Variants in GLO1 observed in about 807,000 individuals in gnomAD.
GLO1 encodes lactoylglutathione lyase.
A neutral mutation model predicts 26.0 loss-of-function variants in GLO1; 28 were observed. The observed-to-expected ratio is 1.08, with a 90% CI of 0.80 to 1.48. The LOEUF is 1.48. Among genes scored for constraint, GLO1 ranks in the 40% most tolerant of loss-of-function variants. The probability of loss-of-function intolerance (pLI) is 0.00; values close to 1 mark genes in which losing one functional copy is unlikely to be tolerated. For missense variants in GLO1, 225 were observed against 224.8 expected (o/e 1.00, Z -0.01); for synonymous variants, 78 against 77.6 (o/e 1.00, Z -0.03).
At chr6:38,677,471 C>A in intron 5 of GLO1, 88 bp from the exon 6 acceptor site, 2 of 703,264 alleles carry the variant, frequency 2.8e-6, no homozygotes, top group South Asian at 3.2e-5. Context: ...AGGTCTTGCT[C>A]TGAATGTCAG....
At position 38,691,597 on chromosome 6, in the gene GLO1, G is replaced by A. The variant is rs182849578; in HGVS notation, c.85-4623C>T. 6.0e-3 allele frequency among the ~76,000 whole-genome samples: 914 copies of A among 152,136 alleles called. 9 individuals carry two copies. Among genetic ancestry groups the A allele is most frequent in the Non-Finnish European group, 9.7e-3 (661 of 68,012 alleles). On this transcript the variant is annotated intron_variant, in intron 1 of 5. Transcript: ENST00000373365. The stretch of plus-strand genomic sequence containing the variant: ...GCTGGGATTACAGGTGTGAGCCACC[G>A]CAACCGCCAAGAAAACTTTAAAGGT...
chr6:38,686,609 A>T (rs1247748734), intron 2 of GLO1, among the ~76,000 whole-genome samples: 1 of 152,204 alleles, frequency 6.6e-6, no homozygotes, highest in Non-Finnish European at 1.5e-5. Flanking sequence ...AGAACATCAA[A>T]AGGGGTCTGA....
chr6:38,690,724 G>A (rs1234044277), intron 1 of GLO1, among the ~76,000 whole-genome samples: 1 of 143,926 alleles, frequency 6.9e-6, no homozygotes, highest in Non-Finnish European at 1.5e-5. Context: ...AAGTCTATAC[G>A]TGGCAAAAAA....
chr6:38,684,258 G>T (rs952170204), intron 3 of GLO1, 116 bp downstream of exon 3: 7 of 392,536 alleles, frequency 1.8e-5, no homozygotes, highest in African/African-American at 1.0e-4. Context: ...TTAAAAATGT[G>T]AAGTCATAGG....
At chr6:38,695,653 A>T (rs1761600279) in intron 1 of GLO1, among the ~76,000 whole-genome samples, 1 of 152,094 alleles carries the variant, frequency 6.6e-6, no homozygotes, top group South Asian at 2.1e-4. Context: ...AAGGCTGGGC[A>T]GCTCATTACA....
intron 5 of GLO1, among the ~76,000 whole-genome samples, chr6:38,678,942 G>T (rs1040664802): frequency 5.3e-5 from 8 of 152,198 alleles, no homozygotes; most frequent in Non-Finnish European, 1.2e-4. Context: ...GTTAAGGACA[G>T]GGATCTGGCC....
chr6:38,682,781 A>T, intron 4 of GLO1, 27 bp downstream of exon 4: 1 of 1,281,536 alleles, frequency 7.8e-7, no homozygotes, highest in Non-Finnish European at 1.1e-6. Context: ...AAATCTACAT[A>T]TATCACATAA....
intron 1 of GLO1, among the ~76,000 whole-genome samples, chr6:38,694,176 A>G (rs1383022516): frequency 6.6e-6 from 1 of 152,060 alleles, no homozygotes; most frequent in Non-Finnish European, 1.5e-5. Context: ...ACATCATTCC[A>G]TTCTTTTAAA....
chr6:38,692,984 G>A (rs1040070677), intron 1 of GLO1, among the ~76,000 whole-genome samples: 6 of 151,846 alleles, frequency 4.0e-5, no homozygotes, highest in Admixed American at 1.3e-4. Context: ...ATATTGGTCT[G>A]TAGTTTTCTT....
chr6:38,683,174 T>A lies in GLO1; in HGVS notation c.309-299A>T, dbSNP rs1761408548. On this transcript the variant is annotated intron_variant, in intron 3 of 5. Transcript: ENST00000373365. Reference sequence around the variant, plus strand: ...CATTTAAACCCTTAAAACAGCTCCATGGGCTAGGTGTGAACATCTCCATTC... The same window carrying A: ...CATTTAAACCCTTAAAACAGCTCCAAGGGCTAGGTGTGAACATCTCCATTC... The A allele has an allele frequency of 1.2e-5, 3 of 260,104 alleles. No individual in the cohort carries two copies. In the Admixed American group the frequency reaches 1.5e-4, roughly 13 times the overall value. 16.1% of individuals were successfully genotyped at this position (260,104 alleles called of 1,614,324 possible). A position where few individuals can be genotyped will look rare whatever the true frequency, so the allele number is the denominator to read the frequency against.
chr6:38,703,087 CA>C lies in GLO1; in HGVS notation c.-34del. 1 of 1,292,898 alleles carries C rather than the reference CA, an allele frequency of 7.7e-7. No homozygotes were observed. The highest frequency in any genetic ancestry group is 1.1e-6 in the Non-Finnish European group (1 of 902,354). The allele number at this position is 1,292,898 out of a possible 1,614,324, so 80.1% of individuals were successfully genotyped here. ...CTGCAGTATCACAGACGACGGGACCCAAGGAACGGAGGAGTCACCCACACTA... is the reference window on the plus strand; with the variant it reads ...CTGCAGTATCACAGACGACGGGACCCAGGAACGGAGGAGTCACCCACACTA... On this transcript the variant is annotated 5_prime_UTR_variant, in exon 1 of 6. Transcript: ENST00000373365.
At chr6:38,679,230 CCA>C (rs1761327978) in intron 5 of GLO1, among the ~76,000 whole-genome samples, 1 of 152,186 alleles carries the variant, frequency 6.6e-6, no homozygotes, top group Admixed American at 6.5e-5. Flanking sequence ...AGCAATCCTC[CCA>C]CCTCAGCCTC....
At chr6:38,691,057 T>C (rs1163206920) in intron 1 of GLO1, among the ~76,000 whole-genome samples, 1 of 152,198 alleles carries the variant, frequency 6.6e-6, no homozygotes, top group African/African-American at 2.4e-5. Context: ...GTAAGACTTA[T>C]GCTATGCTCA....
chr6:38,678,570 G>A (rs573653364), intron 5 of GLO1, among the ~76,000 whole-genome samples: 1 of 152,308 alleles, frequency 6.6e-6, no homozygotes, highest in Non-Finnish European at 1.5e-5. Flanking sequence ...TAATGGCTGC[G>A]AGAGAACAGA....
At chr6:38,683,357 C>T (rs1417552120) in intron 3 of GLO1, 1 of 152,562 alleles carries the variant, frequency 6.6e-6, no homozygotes, top group Non-Finnish European at 1.5e-5. Context: ...AAGAAATTGC[C>T]TACATTTTTA....
intron 1 of GLO1, among the ~76,000 whole-genome samples, chr6:38,691,784 G>A (rs1485765775): frequency 1.3e-5 from 2 of 151,848 alleles, no homozygotes; most frequent in Non-Finnish European, 2.9e-5. Context: ...ATTGAGTAGA[G>A]CTTCATTTTT....
At position 38,688,917 on chromosome 6, in the gene GLO1, A is replaced by T. The variant is rs1761493990; in HGVS notation, c.85-1943T>A. Among the ~76,000 whole-genome samples the T allele has an allele frequency of 2.0e-5, 3 of 152,152 alleles. No homozygotes were observed. In the South Asian group the frequency reaches 6.2e-4, roughly 32 times the overall value. On this transcript the variant is annotated intron_variant, in intron 1 of 5. Transcript: ENST00000373365. ...AATCACACAAGACCTTAAAAGCAGGAGAGAGAGAGAGCGAGCGTGCGCGCG... is the reference window on the plus strand; with the variant it reads ...AATCACACAAGACCTTAAAAGCAGGTGAGAGAGAGAGCGAGCGTGCGCGCG...
intron 3 of GLO1, among the ~76,000 whole-genome samples, chr6:38,683,407 T>TC (rs1761412259): frequency 6.6e-6 from 1 of 152,228 alleles, no homozygotes; most frequent in Non-Finnish European, 1.5e-5. Flanking sequence ...GAATGTTAAT[T>TC]ATTACAAAAT....
At chr6:38,698,616 A>G (rs1044347530) in intron 1 of GLO1, among the ~76,000 whole-genome samples, 1 of 150,518 alleles carries the variant, frequency 6.6e-6, no homozygotes, top group Non-Finnish European at 1.5e-5. Context: ...ATAGTAAAAA[A>G]GAAAAGATCT....
Sources: gnomAD v4.1 joint callset for allele counts (sites outside exome capture counted in the v4.1 genomes callset) on GRCh38, gnomAD v4.1.1 for gene constraint, MANE v1.5 for transcripts, NCBI Gene and HGNC (gene_info 2026-07-23, HGNC 2026-07-21) for gene names.